USP15: variants seen among roughly 807,000 people sequenced by gnomAD.
USP15 encodes ubiquitin carboxyl-terminal hydrolase 15.
A neutral mutation model predicts 127.1 loss-of-function variants in USP15; 18 were observed. The observed-to-expected ratio is 0.14, with a 90% confidence interval of 0.10 to 0.21. USP15 has a LOEUF of 0.21. Among genes scored for constraint, USP15 ranks in the 10% least tolerant of loss-of-function variants. The pLI, the probability that USP15 is intolerant of heterozygous loss-of-function variation, is 1.00. For missense variants in USP15, 805 were observed against 1,159.9 expected, an observed-to-expected ratio of 0.69 and a Z score of 4.44; for synonymous variants, 364 against 393.7, an observed-to-expected ratio of 0.92 and a Z score of 0.89.
At chr12:62,296,382 C>CTGGAAATTCATTATGT (rs2064128199) in intron 2 of USP15, among the ~76,000 whole-genome samples, 1 of 152,126 alleles carries the variant, frequency 6.6e-6, no homozygotes, top group East Asian at 1.9e-4. Flanking sequence ...CATTATGTAA[C>CTGGAAATTCATTATGT]AGTGGAAAAC....
chr12:62,369,683 T>C (rs2066598367), intron 8 of USP15, among the ~76,000 whole-genome samples: 1 of 152,200 alleles, frequency 6.6e-6, no homozygotes, highest in East Asian at 1.9e-4. Flanking sequence ...TGAGGCATTA[T>C]GAATAATTTC....
intron 7 of USP15, among the ~76,000 whole-genome samples, chr12:62,350,295 C>T (rs983564792): frequency 2.0e-5 from 3 of 151,750 alleles, no homozygotes; most frequent in Admixed American, 6.6e-5. Context: ...AATTAAAACA[C>T]CAATAGTTAA....
chr12:62,317,933 A>C (rs2064877688), intron 4 of USP15, among the ~76,000 whole-genome samples: 1 of 152,206 alleles, frequency 6.6e-6, no homozygotes, highest in African/African-American at 2.4e-5. Context: ...TTTAAGATTA[A>C]CTACCAAAAA....
intron 5 of USP15, among the ~76,000 whole-genome samples, chr12:62,323,777 G>A (rs11612349): frequency 0.085 from 12,908 of 152,030 alleles, 631 homozygotes; most frequent in Middle Eastern, 0.16. Flanking sequence ...TCTTTTCATC[G>A]TGTACATTAG....
At chr12:62,381,784 CA>C (rs1403460155) in intron 9 of USP15, 121 bp downstream of exon 9, 4 of 895,744 alleles carry the variant, frequency 4.5e-6, no homozygotes, top group Non-Finnish European at 6.6e-6. Context: ...CAAAGGAACA[CA>C]GTACATAAAT....
intron 1 of USP15, among the ~76,000 whole-genome samples, chr12:62,262,219 C>T (rs1363677717): frequency 6.6e-6 from 1 of 151,446 alleles, no homozygotes; most frequent in Non-Finnish European, 1.5e-5. Flanking sequence ...GCCTGGGCAA[C>T]GTGAGACTCC....
At chr12:62,352,072 G>A (rs1220716403) in intron 7 of USP15, among the ~76,000 whole-genome samples, 1 of 151,684 alleles carries the variant, frequency 6.6e-6, no homozygotes, top group South Asian at 2.1e-4. Flanking sequence ...GAAACCTTAT[G>A]TATGTGGAAA....
At chr12:62,403,677 T>TA (rs1456542210) in intron 21 of USP15, among the ~76,000 whole-genome samples, 1 of 151,862 alleles carries the variant, frequency 6.6e-6, no homozygotes, top group Admixed American at 6.6e-5. Context: ...GAGAGGGACT[T>TA]ATGATAGGAA....
intron 8 of USP15, among the ~76,000 whole-genome samples, chr12:62,366,791 G>A (rs559139464): frequency 6.6e-6 from 1 of 152,258 alleles, no homozygotes; most frequent in African/African-American, 2.4e-5. Context: ...GGCCTTTTCT[G>A]CATCTATTGA....
intron 1 of USP15, among the ~76,000 whole-genome samples, chr12:62,269,358 G>A (rs1008984630): frequency 4.6e-5 from 7 of 150,792 alleles, no homozygotes; most frequent in Non-Finnish European, 1.5e-5. Context: ...ATATATATAT[G>A]TGTGTGTGTG....
chr12:62,383,203 T>C (rs1430635948), intron 9 of USP15, among the ~76,000 whole-genome samples: 1 of 151,950 alleles, frequency 6.6e-6, no homozygotes, highest in Non-Finnish European at 1.5e-5. Context: ...AAATAACAAC[T>C]ACTGAACCAT....
Position 62,392,402 on chromosome 12 carries a change from T to C in USP15, c.2420+15T>C, listed in dbSNP as rs1316091108. 1 of 1,531,300 alleles carries C rather than the reference T, an allele frequency of 6.5e-7. No homozygotes were observed. The highest frequency in any genetic ancestry group is 1.4e-5 in the African/African-American group (1 of 71,598). 94.9% of individuals were successfully genotyped at this position (1,531,300 alleles called of 1,614,324 possible). A position where few individuals can be genotyped will look rare whatever the true frequency, so the allele number is the denominator to read the frequency against. On this transcript the variant is annotated intron_variant, in intron 18 of 21. Transcript: ENST00000280377. ...GAAGATCCCTGGTAAGAGACAAAATTAAATAATTGTTTTTGTTTTCTTTAA... is the reference window on the plus strand; with the variant it reads ...GAAGATCCCTGGTAAGAGACAAAATCAAATAATTGTTTTTGTTTTCTTTAA...
At chr12:62,327,225 T>TTC (rs2065154139) in intron 6 of USP15, among the ~76,000 whole-genome samples, 1 of 151,750 alleles carries the variant, frequency 6.6e-6, no homozygotes, top group Non-Finnish European at 1.5e-5. Context: ...AATTTTTTTT[T>TTC]CCCATTTAAA....
intron 8 of USP15, 86 bp downstream of exon 8, chr12:62,355,561 A>G: frequency 7.1e-7 from 1 of 1,400,708 alleles, no homozygotes; most frequent in South Asian, 1.5e-5. Context: ...ATGCCAGAAC[A>G]TGAGTATATG....
intron 8 of USP15, among the ~76,000 whole-genome samples, chr12:62,373,182 A>G (rs1289359809): frequency 6.6e-6 from 1 of 152,052 alleles, no homozygotes; most frequent in Non-Finnish European, 1.5e-5. Flanking sequence ...TCTTCACATA[A>G]TCATGGCTTT....
rs1363467082 is a variant in USP15 at position 62,336,007 on chromosome 12, C to T, written c.683+10074C>T. On this transcript the variant is annotated intron_variant, in intron 6 of 21. Transcript: ENST00000280377. Reference sequence around the variant, plus strand: ...AATTGTGCACAGCTCTAGGAGGCATCATTCATATCATATGTAGTCTATGTG... The same window carrying T: ...AATTGTGCACAGCTCTAGGAGGCATTATTCATATCATATGTAGTCTATGTG... 8.1e-6 allele frequency: 8 copies of T among 984,276 alleles called. No individual in the cohort carries two copies. The African/African-American group carries it at 1.0e-4, about 13-fold the overall frequency. The allele number at this position is 984,276 out of a possible 1,614,324, so 61.0% of individuals were successfully genotyped here.
rs138035713 is a variant in USP15, at chr12:62,345,913, G to A, written c.684-3308G>A. ...CACAAGAACTGCATGGGAAAGACCC[G>A]CCCCCGTGATTCAATCATTTCCCAC... On this transcript the variant is annotated intron_variant, in intron 6 of 21. Coordinates refer to ENST00000280377, the MANE Select transcript of USP15 (RefSeq NM_001252078.2). Among the ~76,000 whole-genome samples, 212 of 152,106 alleles carry A rather than the reference G, an allele frequency of 1.4e-3. 2 individuals are homozygous for A. The highest frequency in any genetic ancestry group is 4.6e-3 in the African/African-American group (190 of 41,466).
chr12:62,267,776 A>C (rs1310963521), intron 1 of USP15, among the ~76,000 whole-genome samples: 1 of 152,250 alleles, frequency 6.6e-6, no homozygotes, highest in South Asian at 2.1e-4. Context: ...GTTTAGAGCC[A>C]GTTAAATCAA....
chr12:62,328,823 A>G (rs1179493543), intron 6 of USP15, among the ~76,000 whole-genome samples: 1 of 152,230 alleles, frequency 6.6e-6, no homozygotes, highest in Non-Finnish European at 1.5e-5. Context: ...TGCTAGCAAA[A>G]GAAAGGCAAA....
Sources: gnomAD v4.1 joint callset for allele counts (sites outside exome capture counted in the v4.1 genomes callset) on GRCh38, gnomAD v4.1.1 for gene constraint, MANE v1.5 for transcripts, NCBI Gene and HGNC (gene_info 2026-07-23, HGNC 2026-07-21) for gene names.